GSK3B: variants seen among roughly 807,000 people sequenced by gnomAD.
GSK3B encodes glycogen synthase kinase-3 beta.
Under a neutral mutation model 56.4 loss-of-function variants are expected in GSK3B, and 15 were observed. The observed-to-expected ratio is 0.27, with a 90% CI of 0.18 to 0.41. The LOEUF (loss-of-function observed/expected upper bound fraction) is 0.41, where lower values mean the gene tolerates loss of function less well. Ranked by LOEUF, GSK3B falls within the 10% of genes least tolerant of loss-of-function variation. The pLI, the probability that GSK3B is intolerant of heterozygous loss-of-function variation, is 1.00. For missense variants in GSK3B, 300 were observed against 513.4 expected, an observed-to-expected ratio of 0.58 and a Z score of 4.02; for synonymous variants, 181 against 188.9, an observed-to-expected ratio of 0.96 and a Z score of 0.34.
intron 4 of GSK3B, among the ~76,000 whole-genome samples, chr3:119,916,536 C>T (rs192990641): frequency 2.4e-4 from 36 of 152,296 alleles, no homozygotes; most frequent in African/African-American, 8.4e-4. Context: ...CACCCCAAAT[C>T]ATGAATAATC....
At chr3:120,070,958 G>A (rs2058322064) in intron 1 of GSK3B, among the ~76,000 whole-genome samples, 1 of 152,156 alleles carries the variant, frequency 6.6e-6, no homozygotes, top group African/African-American at 2.4e-5. Flanking sequence ...GCAAAATGGA[G>A]ATACCACTTA....
chr3:119,933,103 G>C (rs184811062), intron 3 of GSK3B, among the ~76,000 whole-genome samples: 2 of 151,772 alleles, frequency 1.3e-5, no homozygotes, highest in Admixed American at 6.6e-5. Flanking sequence ...AAACAAGAAA[G>C]GAAATATGGA....
chr3:120,056,616 G>C, intron 1 of GSK3B, among the ~76,000 whole-genome samples: 1 of 152,088 alleles, frequency 6.6e-6, no homozygotes, highest in African/African-American at 2.4e-5. Context: ...CTGGTATACA[G>C]ACATGAGCCA....
chr3:120,013,106 T>C (rs1471443812), intron 1 of GSK3B, among the ~76,000 whole-genome samples: 1 of 152,200 alleles, frequency 6.6e-6, no homozygotes, highest in Non-Finnish European at 1.5e-5. Context: ...TTTGTAGTCA[T>C]ATTTTTTGAA....
At chr3:119,915,796 T>C (rs1237925482) in intron 5 of GSK3B, among the ~76,000 whole-genome samples, 4 of 152,130 alleles carry the variant, frequency 2.6e-5, no homozygotes, top group Non-Finnish European at 5.9e-5. Flanking sequence ...TCCCTATATA[T>C]ACACTGTATT....
At chr3:119,903,070 TTTA>T (rs1272075326) in intron 7 of GSK3B, among the ~76,000 whole-genome samples, 1 of 152,108 alleles carries the variant, frequency 6.6e-6, no homozygotes, top group African/African-American at 2.4e-5. Flanking sequence ...TCTTATGAAG[TTTA>T]TTAACCTTCA....
chr3:120,028,829 T>C, intron 1 of GSK3B: 1 of 444,282 alleles, frequency 2.3e-6, no homozygotes, highest in Non-Finnish European at 4.3e-6. Context: ...AGGAACTCAC[T>C]GAGGCCCTAG....
At chr3:119,892,820 T>C (rs1234139400) in intron 7 of GSK3B, among the ~76,000 whole-genome samples, 1 of 152,118 alleles carries the variant, frequency 6.6e-6, no homozygotes, top group African/African-American at 2.4e-5. Flanking sequence ...TTTCTGCATA[T>C]GGAATTTGGA....
At chr3:119,861,098 C>T (rs1248271151) in intron 9 of GSK3B, among the ~76,000 whole-genome samples, 1 of 152,208 alleles carries the variant, frequency 6.6e-6, no homozygotes, top group Non-Finnish European at 1.5e-5. Flanking sequence ...CATCCACATA[C>T]TAACTAGTAT....
intron 4 of GSK3B, among the ~76,000 whole-genome samples, chr3:119,916,811 AATTCAAAATGAC>A (rs2056785896): frequency 6.6e-6 from 1 of 152,200 alleles, no homozygotes; most frequent in South Asian, 2.1e-4. Flanking sequence ...GAAAAAGTAT[AATTCAAAATGAC>A]ATTCAAAAAC....
intron 1 of GSK3B, among the ~76,000 whole-genome samples, chr3:120,084,375 T>C (rs1311703498): frequency 6.6e-6 from 1 of 152,138 alleles, no homozygotes; most frequent in African/African-American, 2.4e-5. Context: ...ATTAAAAATA[T>C]GACAAAAACT....
At chr3:119,853,230 T>C (rs527393071) in intron 9 of GSK3B, among the ~76,000 whole-genome samples, 6 of 152,156 alleles carry the variant, frequency 3.9e-5, no homozygotes, top group African/African-American at 9.7e-5. Context: ...GATCAGATGG[T>C]TGTAGATTGT....
chr3:119,968,456 G>A lies in GSK3B; in HGVS notation c.283-21105C>T, dbSNP rs117054996. Among the ~76,000 whole-genome samples, 4 of 152,256 alleles carry A rather than the reference G, an allele frequency of 2.6e-5. No homozygotes were observed. In the East Asian group the frequency reaches 5.8e-4, roughly 22 times the overall value. On this transcript the variant is annotated intron_variant, in intron 2 of 10. Transcript: ENST00000264235. ...ATGTATAAAAATACTTATACATCAC[G>A]AGCAAGTGACATTTATTCCAGGTAT...
intron 10 of GSK3B, among the ~76,000 whole-genome samples, chr3:119,827,474 T>C (rs992092950): frequency 6.6e-6 from 1 of 151,428 alleles, no homozygotes; most frequent in Non-Finnish European, 1.5e-5. Context: ...GGGTAATATG[T>C]AGCCATAAGA....
chr3:119,981,153 C>T (rs1000639364), intron 2 of GSK3B, among the ~76,000 whole-genome samples: 1 of 152,198 alleles, frequency 6.6e-6, no homozygotes, highest in African/African-American at 2.4e-5. Context: ...CTGGGCTCTA[C>T]ACCTAGCACA....
chr3:119,912,679 G>T, intron 6 of GSK3B, 25 bp downstream of exon 6: 1 of 967,918 alleles, frequency 1.0e-6, no homozygotes, highest in Non-Finnish European at 1.6e-6. Context: ...ATAATTATGA[G>T]CATTATATTC....
intron 2 of GSK3B, among the ~76,000 whole-genome samples, chr3:119,982,215 A>C (rs2057470080): frequency 6.6e-6 from 1 of 152,360 alleles, no homozygotes; most frequent in African/African-American, 2.4e-5. Flanking sequence ...GTAGGTCACC[A>C]ACATCAAAGA....
At chr3:119,998,609 C>T (rs1345319930) in intron 2 of GSK3B, among the ~76,000 whole-genome samples, 1 of 152,112 alleles carries the variant, frequency 6.6e-6, no homozygotes, top group Non-Finnish European at 1.5e-5. Flanking sequence ...GACACACACT[C>T]TAAAAGGGGT....
chr3:119,921,988 T>A (rs999405893), intron 4 of GSK3B, among the ~76,000 whole-genome samples: 3 of 151,910 alleles, frequency 2.0e-5, no homozygotes, highest in African/African-American at 7.3e-5. Flanking sequence ...AACACAAAAA[T>A]TAGCTGGGCA....
Sources: allele counts gnomAD v4.1 joint callset (sites outside exome capture counted in the v4.1 genomes callset), GRCh38; gene constraint gnomAD v4.1.1; transcripts MANE v1.5; gene names NCBI Gene and HGNC (gene_info 2026-07-23, HGNC 2026-07-21).